Variants in MTA3 observed in about 807,000 individuals in gnomAD.
MTA3 encodes metastasis-associated protein MTA3.
A neutral mutation model predicts 83.5 loss-of-function variants in MTA3; 34 were observed. The ratio of observed to expected loss-of-function variants is 0.41; its 90% confidence interval spans 0.31 to 0.54. The LOEUF is 0.54. MTA3 is among the 20% of genes least tolerant of loss of function. MTA3 has a pLI of 0.33. For synonymous variants in MTA3, 303 were observed against 252.7 expected (o/e 1.20, Z -1.89); for missense variants, 761 against 726.4 (o/e 1.05, Z -0.55).
chr2:42,562,034 A>T (rs1250616383), intron 2 of MTA3, among the ~76,000 whole-genome samples: 1 of 152,100 alleles, frequency 6.6e-6, no homozygotes, highest in Non-Finnish European at 1.5e-5. Context: ...AATCCATCCC[A>T]TGCCAGTGGT....
At chr2:42,733,502 A>G (rs998311449) in intron 16 of MTA3, among the ~76,000 whole-genome samples, 2 of 152,208 alleles carry the variant, frequency 1.3e-5, no homozygotes, top group Admixed American at 6.5e-5. Context: ...TCTTTTTGCT[A>G]TAAACTTTCC....
Position 42,614,600 on chromosome 2 carries a change from C to T in MTA3, c.317+5016C>T, listed in dbSNP as rs573809723. Among the ~76,000 whole-genome samples, 7 of 152,100 alleles carry T rather than the reference C, an allele frequency of 4.6e-5. No individual in the cohort carries two copies. In the East Asian group the frequency reaches 5.8e-4, roughly 13 times the overall value. On this transcript the variant is annotated intron_variant, in intron 4 of 16. Transcript: ENST00000405094. ...CTTCCATTATCTGCTTTGTGATGCT[C>T]GGGCTGTTGTACTCATTATATTAAT...
intron 14 of MTA3, among the ~76,000 whole-genome samples, chr2:42,710,120 C>T (rs1337309619): frequency 6.6e-6 from 1 of 152,106 alleles, no homozygotes; most frequent in African/African-American, 2.4e-5. Flanking sequence ...AAATGTTCCC[C>T]TTTGATTTAA....
At position 42,756,572 on chromosome 2, in the gene MTA3, C is replaced by T; in HGVS notation, c.*3173C>T. 2.0e-6 allele frequency: 2 copies of T among 985,768 alleles called. No homozygotes were observed. Among genetic ancestry groups the T allele is most frequent in the South Asian group, 4.7e-5 (1 of 21,294 alleles). The allele number at this position is 985,768 out of a possible 1,614,324, so 61.1% of individuals were successfully genotyped here. A position where few individuals can be genotyped will look rare whatever the true frequency, so the allele number is the denominator to read the frequency against. ...TGGCGAGGGGAGGTGGAGGAGCTGC[C>T]CCGTGGGTGTTTGGAGATTCTGTTT... On this transcript the variant is annotated 3_prime_UTR_variant, in exon 17 of 17. Coordinates refer to ENST00000405094, the MANE Select transcript of MTA3 (RefSeq NM_001330442.2).
chr2:42,611,231 C>T (rs1348024739), intron 4 of MTA3, among the ~76,000 whole-genome samples: 1 of 151,916 alleles, frequency 6.6e-6, no homozygotes, highest in African/African-American at 2.4e-5. Context: ...GATCCACCCG[C>T]CTCAGCCTTC....
intron 16 of MTA3, among the ~76,000 whole-genome samples, chr2:42,732,515 C>G (rs1668302105): frequency 6.6e-6 from 1 of 152,166 alleles, no homozygotes; most frequent in African/African-American, 2.4e-5. Flanking sequence ...AGCCTCCAGG[C>G]CTGTTATGGA....
In MTA3 at chr2:42,754,925, G is replaced by T; in HGVS notation, c.*1526G>T. 2.0e-6 allele frequency: 2 copies of T among 985,612 alleles called. No individual in the cohort carries two copies. Among genetic ancestry groups the T allele is most frequent in the South Asian group, 4.7e-5 (1 of 21,286 alleles). The allele number at this position is 985,612 out of a possible 1,614,324, so 61.1% of individuals were successfully genotyped here. ...ATCTCAGCTTCTTTTCTGAGGAGGA[G>T]TTGGTTCTCATCTTAGGCTTCTGCA... On this transcript the variant is annotated 3_prime_UTR_variant, in exon 17 of 17. Transcript: ENST00000405094.
chr2:42,539,577 CTTTTT>C (rs34577240), intron 2 of MTA3, among the ~76,000 whole-genome samples: 1 of 96,648 alleles, frequency 1.0e-5, no homozygotes, highest in Admixed American at 1.2e-4. Flanking sequence ...AATTGTAAAG[CTTTTT>C]TTTTTTTTTT....
intron 2 of MTA3, among the ~76,000 whole-genome samples, chr2:42,538,957 GT>G (rs1301836558): frequency 2.0e-5 from 3 of 150,508 alleles, no homozygotes; most frequent in African/African-American, 7.3e-5. Flanking sequence ...TGTATTTTTA[GT>G]AGAGACGGGG....
At position 42,695,784 on chromosome 2, in the gene MTA3, C is replaced by T; in HGVS notation, c.911C>T (p.Thr304Ile). The stretch of plus-strand genomic sequence containing the variant: ...TTTCAGCTTCCTTGGAAATCATTGA[C>T]TAGCATCATTGAATATTATTACATG... ...RQDFLPWKSL[T>I]SIIEYYYMWK... Residue 304 changes from threonine (T) to isoleucine (I), a missense_variant, in exon 10 of 17, where the codon ACT becomes ATT. Physicochemically the swap from Thr to Ile is moderately conservative, Grantham distance 89. Transcript: ENST00000405094. The T allele has an allele frequency of 6.4e-7, 1 of 1,555,372 alleles. No individual in the cohort carries two copies. Among genetic ancestry groups the T allele is most frequent in the Middle Eastern group, 1.7e-4 (1 of 5,808 alleles).
intron 9 of MTA3, among the ~76,000 whole-genome samples, chr2:42,688,171 G>T (rs554589953): frequency 6.6e-6 from 1 of 152,180 alleles, no homozygotes; most frequent in African/African-American, 2.4e-5. Context: ...CCTGGGCCCA[G>T]GTGATCCTCC....
chr2:42,627,927 C>G (rs1389981467), intron 4 of MTA3, among the ~76,000 whole-genome samples: 1 of 151,782 alleles, frequency 6.6e-6, no homozygotes, highest in Non-Finnish European at 1.5e-5. Flanking sequence ...CTCTGTTGCC[C>G]AGGCTGGAGT....
chr2:42,504,128 C>G (rs908466157), intron 2 of MTA3, among the ~76,000 whole-genome samples: 5 of 151,978 alleles, frequency 3.3e-5, no homozygotes, highest in African/African-American at 1.2e-4. Flanking sequence ...TGGGGTTTCG[C>G]TGTGTTGGAC....
intron 8 of MTA3, among the ~76,000 whole-genome samples, chr2:42,678,574 C>T (rs1254529472): frequency 6.6e-6 from 1 of 152,146 alleles, no homozygotes; most frequent in African/African-American, 2.4e-5. Context: ...AGTGATCCGC[C>T]TGCATTGGCC....
intron 16 of MTA3, among the ~76,000 whole-genome samples, chr2:42,735,335 A>C (rs944362991): frequency 6.6e-6 from 1 of 152,130 alleles, no homozygotes; most frequent in African/African-American, 2.4e-5. Context: ...GCTGCCAGAC[A>C]TATTGGATCT....
intron 16 of MTA3, among the ~76,000 whole-genome samples, chr2:42,737,598 A>G (rs553059957): frequency 6.6e-6 from 1 of 152,288 alleles, no homozygotes; most frequent in Admixed American, 6.5e-5. Flanking sequence ...CAGCAGGGAC[A>G]ATTGCTGAAG....
At chr2:42,562,941 C>T (rs1371899089) in intron 2 of MTA3, among the ~76,000 whole-genome samples, 1 of 152,176 alleles carries the variant, frequency 6.6e-6, no homozygotes, top group Non-Finnish European at 1.5e-5. Flanking sequence ...GTATGCTTTA[C>T]TCACTGATCT....
intron 2 of MTA3, among the ~76,000 whole-genome samples, chr2:42,518,677 T>C (rs1379822049): frequency 4.1e-5 from 6 of 148,130 alleles, no homozygotes; most frequent in East Asian, 2.0e-4. Context: ...ATGACTTCCT[T>C]CCAAAGAATA....
At chr2:42,677,665 G>C (rs1226516637) in intron 8 of MTA3, among the ~76,000 whole-genome samples, 1 of 152,044 alleles carries the variant, frequency 6.6e-6, no homozygotes, top group Non-Finnish European at 1.5e-5. Flanking sequence ...AAAAATGGGA[G>C]TTCCCTGCAC....
Sources: gnomAD v4.1 joint callset for allele counts (sites outside exome capture counted in the v4.1 genomes callset) on GRCh38, gnomAD v4.1.1 for gene constraint, MANE v1.5 for transcripts, NCBI Gene and HGNC (gene_info 2026-07-23, HGNC 2026-07-21) for gene names.